The following ACSL3 variants were observed in gnomAD, a reference collection of about 807,000 sequenced individuals.
ACSL3 encodes the protein acyl-CoA synthetase long chain family member 3.
ACSL3 carries 34 observed loss-of-function variants against 84.7 expected under a neutral mutation model. The observed-to-expected ratio is 0.40, with a 90% confidence interval of 0.31 to 0.53. The LOEUF (loss-of-function observed/expected upper bound fraction) is 0.53. ACSL3 is among the 20% of genes least tolerant of loss of function. The probability of loss-of-function intolerance (pLI) is 0.48; values close to 1 mark genes in which losing one functional copy is unlikely to be tolerated. For missense variants in ACSL3, 680 were observed against 873.1 expected (o/e 0.78, Z 2.79); for synonymous variants, 315 against 299.4 (o/e 1.05, Z -0.54).
rs1388080176 is a variant in ACSL3 at position 222,942,096 on chromosome 2, A to G, written c.*442A>G. On this transcript the variant is annotated 3_prime_UTR_variant, in exon 17 of 17. Transcript: ENST00000357430. ...TATTTAAAAATACAAGGGTATTGAT[A>G]TGAAATTATGTAAATTTCAAATGCT... The G allele has an allele frequency of 4.7e-6, 1 of 211,342 alleles. No homozygotes were observed. The highest frequency in any genetic ancestry group is 9.6e-6 in the Non-Finnish European group (1 of 103,996). The allele number at this position is 211,342 out of a possible 1,614,324, so 13.1% of individuals were successfully genotyped here. A position where few individuals can be genotyped will look rare whatever the true frequency, so the allele number is the denominator to read the frequency against.
chr2:222,941,257 T>C (rs1024940057), intron 16 of ACSL3, among the ~76,000 whole-genome samples: 1 of 152,092 alleles, frequency 6.6e-6, no homozygotes, highest in African/African-American at 2.4e-5. Flanking sequence ...ACAGAATATA[T>C]ATTCTATTTT....
chr2:222,883,167 G>GTTTTTTTTTTT (rs71408541), intron 1 of ACSL3, among the ~76,000 whole-genome samples: 8 of 135,842 alleles, frequency 5.9e-5, no homozygotes, highest in African/African-American at 1.1e-4. Context: ...TTTGCTTTCT[G>GTTTTTTTTTTT]TTTTTTTTTT....
At chr2:222,906,322 A>G (rs1250976192) in intron 3 of ACSL3, among the ~76,000 whole-genome samples, 1 of 152,256 alleles carries the variant, frequency 6.6e-6, no homozygotes, top group African/African-American at 2.4e-5. Context: ...TTTAACTCTC[A>G]GATCTCCTTG....
At chr2:222,886,464 A>AAC (rs1286484887) in intron 1 of ACSL3, among the ~76,000 whole-genome samples, 1 of 152,212 alleles carries the variant, frequency 6.6e-6, no homozygotes, top group Non-Finnish European at 1.5e-5. Flanking sequence ...ATAACAAATT[A>AAC]AAAGTTAATG....
chr2:222,929,948 A>G (rs1419384923), intron 13 of ACSL3, among the ~76,000 whole-genome samples: 2 of 118,530 alleles, frequency 1.7e-5, no homozygotes, highest in East Asian at 2.4e-4. Flanking sequence ...TTTTTTTGAC[A>G]CGGAGTTTTG....
At chr2:222,921,064 C>T in intron 7 of ACSL3, 2 of 653,220 alleles carry the variant, frequency 3.1e-6, no homozygotes, top group Non-Finnish European at 5.8e-6. Context: ...CAGTTTTCTT[C>T]ATAGGTTAAT....
At chr2:222,880,527 T>G (rs963827642) in intron 1 of ACSL3, among the ~76,000 whole-genome samples, 76 of 152,142 alleles carry the variant, frequency 5.0e-4, no homozygotes, top group African/African-American at 1.8e-3. Flanking sequence ...TAATAATATA[T>G]AAAAAAACTG....
At chr2:222,866,960 G>A (rs1355052118) in intron 1 of ACSL3, among the ~76,000 whole-genome samples, 6 of 151,018 alleles carry the variant, frequency 4.0e-5, no homozygotes, top group South Asian at 2.1e-4. Flanking sequence ...GCAGCCTCCC[G>A]AGGAGCTGGA....
intron 1 of ACSL3, among the ~76,000 whole-genome samples, chr2:222,885,824 C>G (rs529746112): frequency 6.6e-6 from 1 of 152,144 alleles, no homozygotes; most frequent in Non-Finnish European, 1.5e-5. Flanking sequence ...CTTAACGCAA[C>G]CTCTGCCTCC....
chr2:222,937,413 C>T (rs1297095893), intron 16 of ACSL3, among the ~76,000 whole-genome samples: 2 of 151,942 alleles, frequency 1.3e-5, no homozygotes, highest in Non-Finnish European at 2.9e-5. Context: ...TTGAAGTCTC[C>T]TACTATTATT....
intron 16 of ACSL3, 146 bp downstream of exon 16, chr2:222,934,833 TC>T: frequency 1.3e-6 from 1 of 783,246 alleles, no homozygotes; most frequent in South Asian, 2.3e-5. Context: ...AACTTATCAG[TC>T]CCCCATTCAA....
intron 1 of ACSL3, among the ~76,000 whole-genome samples, chr2:222,880,105 C>G (rs1304581565): frequency 6.6e-6 from 1 of 152,058 alleles, no homozygotes; most frequent in Non-Finnish European, 1.5e-5. Flanking sequence ...ATACAAAAGT[C>G]CCATGACTAT....
chr2:222,925,914 G>T (rs182970130), intron 11 of ACSL3, among the ~76,000 whole-genome samples: 2 of 152,254 alleles, frequency 1.3e-5, no homozygotes, highest in African/African-American at 2.4e-5. Flanking sequence ...GTTAGAAAAT[G>T]GAAGTATGAC....
At chr2:222,891,304 C>T (rs994743754) in intron 2 of ACSL3, among the ~76,000 whole-genome samples, 18 of 152,210 alleles carry the variant, frequency 1.2e-4, no homozygotes, top group Admixed American at 9.2e-4. Context: ...GTCTTAAAAT[C>T]GATCTAGTTG....
chr2:222,912,968 T>A (rs533100230), intron 4 of ACSL3, among the ~76,000 whole-genome samples: 1 of 152,294 alleles, frequency 6.6e-6, no homozygotes, highest in African/African-American at 2.4e-5. Flanking sequence ...CGTCTTGAAA[T>A]GAACAGTGAA....
intron 1 of ACSL3, among the ~76,000 whole-genome samples, chr2:222,887,160 T>C (rs907048687): frequency 6.6e-6 from 1 of 152,222 alleles, no homozygotes; most frequent in Non-Finnish European, 1.5e-5. Context: ...ATATGTCATA[T>C]AGTTGGAATC....
chr2:222,903,024 C>T (rs1459746283), intron 3 of ACSL3, among the ~76,000 whole-genome samples: 1 of 151,566 alleles, frequency 6.6e-6, no homozygotes, highest in Non-Finnish European at 1.5e-5. Context: ...TATGGTACTA[C>T]AAATAGAAGG....
chr2:222,870,357 A>G (rs1242617770), intron 1 of ACSL3, among the ~76,000 whole-genome samples: 1 of 152,174 alleles, frequency 6.6e-6, no homozygotes. Flanking sequence ...CTCTTTTGAC[A>G]TCTCAATAAG....
At chr2:222,877,697 A>G (rs1695485590) in intron 1 of ACSL3, among the ~76,000 whole-genome samples, 1 of 152,218 alleles carries the variant, frequency 6.6e-6, no homozygotes. Context: ...TATATACTAC[A>G]TCATGTGTTA....
Sources: gnomAD v4.1 joint callset for allele counts (sites outside exome capture counted in the v4.1 genomes callset) on GRCh38, gnomAD v4.1.1 for gene constraint, MANE v1.5 for transcripts, NCBI Gene and HGNC (gene_info 2026-07-23, HGNC 2026-07-21) for gene names.